The following ASIC2 variants were observed in gnomAD, a reference collection of about 807,000 sequenced individuals.
ASIC2 encodes acid sensing ion channel subunit 2, also known as acid-sensing ion channel 2.
ASIC2 carries 25 observed loss-of-function variants against 57.3 expected under a neutral mutation model. The observed-to-expected ratio is 0.44, with a 90% CI of 0.32 to 0.61. The LOEUF is 0.61. Among genes scored for constraint, ASIC2 ranks in the 20% least tolerant of loss-of-function variants. ASIC2 has a pLI of 0.06. For missense variants in ASIC2, 641 were observed against 738.1 expected, an observed-to-expected ratio of 0.87 and a Z score of 1.52; for synonymous variants, 319 against 307.5, an observed-to-expected ratio of 1.04 and a Z score of -0.39.
At chr17:33,579,654 T>G (rs1794750566) in intron 1 of ASIC2, among the ~76,000 whole-genome samples, 2 of 152,188 alleles carry the variant, frequency 1.3e-5, no homozygotes, top group African/African-American at 4.8e-5. Flanking sequence ...TTCCTTCTGG[T>G]GGGCTCCTGG....
At chr17:33,454,772 G>A (rs1360658564) in intron 1 of ASIC2, among the ~76,000 whole-genome samples, 1 of 152,192 alleles carries the variant, frequency 6.6e-6, no homozygotes, top group African/African-American at 2.4e-5. Flanking sequence ...TCTGGTGAGG[G>A]ATCTCAGCTT....
chr17:33,274,205 A>G (rs1454965951), intron 1 of ASIC2, among the ~76,000 whole-genome samples: 1 of 152,180 alleles, frequency 6.6e-6, no homozygotes, highest in African/African-American at 2.4e-5. Flanking sequence ...GGCTTATCTC[A>G]GGCTCTGGAT....
intron 1 of ASIC2, among the ~76,000 whole-genome samples, chr17:33,311,513 G>T (rs1212660086): frequency 1.3e-5 from 2 of 151,928 alleles, no homozygotes; most frequent in Non-Finnish European, 2.9e-5. Flanking sequence ...GGGCAGCCCA[G>T]TTTCTTCTGA....
chr17:33,777,249 A>G (rs993028602), intron 1 of ASIC2, among the ~76,000 whole-genome samples: 1 of 151,780 alleles, frequency 6.6e-6, no homozygotes, highest in Non-Finnish European at 1.5e-5. Context: ...CCTGCATCCT[A>G]TCTGCCTGAA....
intron 1 of ASIC2, among the ~76,000 whole-genome samples, chr17:33,540,257 C>G (rs1237239754): frequency 6.6e-6 from 1 of 152,152 alleles, no homozygotes; most frequent in Non-Finnish European, 1.5e-5. Flanking sequence ...GTCTCTATAA[C>G]CATATTTCCC....
intron 1 of ASIC2, among the ~76,000 whole-genome samples, chr17:33,837,809 AC>A (rs1271824880): frequency 6.6e-6 from 1 of 151,844 alleles, no homozygotes; most frequent in Non-Finnish European, 1.5e-5. Context: ...CCTCTCACCC[AC>A]CCTTCCTGTC....
At chr17:34,006,009 T>C (rs914647178) in intron 1 of ASIC2, 3 of 152,244 alleles carry the variant, frequency 2.0e-5, no homozygotes, top group Non-Finnish European at 4.4e-5. Flanking sequence ...TAAACAATCA[T>C]GGCTTCTGTC....
chr17:33,400,729 G>T (rs1420364201), intron 1 of ASIC2, among the ~76,000 whole-genome samples: 1 of 152,056 alleles, frequency 6.6e-6, no homozygotes, highest in Non-Finnish European at 1.5e-5. Context: ...CTGTCCAGGG[G>T]CTGAGAATTC....
At chr17:33,057,959 T>A (rs1465200521) in intron 3 of ASIC2, among the ~76,000 whole-genome samples, 1 of 152,198 alleles carries the variant, frequency 6.6e-6, no homozygotes, top group Non-Finnish European at 1.5e-5. Context: ...TGTGCCTCCC[T>A]TTACAAATTC....
At chr17:33,813,370 A>C (rs1229670871) in intron 1 of ASIC2, among the ~76,000 whole-genome samples, 1 of 152,162 alleles carries the variant, frequency 6.6e-6, no homozygotes. Flanking sequence ...CAAAAAACAA[A>C]AAACAAACAA....
chr17:33,743,858 C>G (rs1235480338), intron 1 of ASIC2, among the ~76,000 whole-genome samples: 1 of 152,206 alleles, frequency 6.6e-6, no homozygotes, highest in Admixed American at 6.5e-5. Context: ...TCTCCCTTCC[C>G]CCTGTCTCTG....
At chr17:34,087,043 A>G (rs1340230014) in intron 1 of ASIC2, among the ~76,000 whole-genome samples, 1 of 151,808 alleles carries the variant, frequency 6.6e-6, no homozygotes, top group Non-Finnish European at 1.5e-5. Flanking sequence ...ATTTACATTT[A>G]AAGTTAATAT....
chr17:34,105,835 T>C (rs1485987843), intron 1 of ASIC2, among the ~76,000 whole-genome samples: 1 of 152,102 alleles, frequency 6.6e-6, no homozygotes, highest in Non-Finnish European at 1.5e-5. Flanking sequence ...TATCACTAAA[T>C]AATTCAATGT....
At chr17:33,851,290 T>A (rs566233833) in intron 1 of ASIC2, among the ~76,000 whole-genome samples, 2 of 152,054 alleles carry the variant, frequency 1.3e-5, no homozygotes, top group Non-Finnish European at 2.9e-5. Context: ...AACTCTCTCC[T>A]GTACCCTCCT....
chr17:33,619,174 T>C (rs920302925), intron 1 of ASIC2, among the ~76,000 whole-genome samples: 1 of 152,194 alleles, frequency 6.6e-6, no homozygotes, highest in Non-Finnish European at 1.5e-5. Flanking sequence ...GTCAAACTTG[T>C]CTGTAAATAT....
intron 3 of ASIC2, among the ~76,000 whole-genome samples, chr17:33,035,877 C>T (rs536986098): frequency 1.6e-4 from 24 of 152,272 alleles, no homozygotes; most frequent in African/African-American, 5.8e-4. Flanking sequence ...ATTTTCCCTT[C>T]CAATTTTCAG....
chr17:33,289,441 A>C (rs1035892627), intron 1 of ASIC2, among the ~76,000 whole-genome samples: 1 of 152,144 alleles, frequency 6.6e-6, no homozygotes, highest in Non-Finnish European at 1.5e-5. Flanking sequence ...CCTGGGCCAC[A>C]TGGGGTGGCT....
chr17:33,311,067 C>G (rs758265260), intron 1 of ASIC2, among the ~76,000 whole-genome samples: 1 of 152,070 alleles, frequency 6.6e-6, no homozygotes, highest in East Asian at 1.9e-4. Flanking sequence ...AAGCTCAGAC[C>G]CTCTGCAAGA....
intron 1 of ASIC2, among the ~76,000 whole-genome samples, chr17:33,779,889 G>C (rs1305454561): frequency 1.3e-5 from 2 of 151,134 alleles, no homozygotes; most frequent in African/African-American, 4.9e-5. Flanking sequence ...GAAATCTAGA[G>C]AGTGAGTGAA....
Sources: allele counts gnomAD v4.1 joint callset (sites outside exome capture counted in the v4.1 genomes callset), GRCh38; gene constraint gnomAD v4.1.1; transcripts MANE v1.5; gene names NCBI Gene and HGNC (gene_info 2026-07-23, HGNC 2026-07-21).